The following SELENOO variants were observed in gnomAD, a reference collection of about 807,000 sequenced individuals.
SELENOO encodes selenoprotein O.
In SELENOO, 74 loss-of-function variants were observed where a neutral mutation model predicts 58.7. That is an observed-to-expected ratio of 1.26 (90% CI 1.04 to 1.53). SELENOO has a LOEUF of 1.53. Among genes scored for constraint, SELENOO ranks in the 40% most tolerant of loss-of-function variants. The probability of loss-of-function intolerance (pLI) is 0.00; values close to 1 mark genes in which losing one functional copy is unlikely to be tolerated. For missense variants in SELENOO, 1,149 were observed against 970.0 expected (o/e 1.18, Z -2.45); for synonymous variants, 543 against 453.2 (o/e 1.20, Z -2.52).
rs750517347 is a variant in SELENOO at position 50,217,245 on chromosome 22, G to A, written c.1886G>A (p.Cys629Tyr). ...AAACTACTGGAGACCCCTTACCACTGCGAGGCGGGGGCCGCCACAGACGCC... is the reference window on the plus strand; with the variant it reads ...AAACTACTGGAGACCCCTTACCACTACGAGGCGGGGGCCGCCACAGACGCC... ...VLKLLETPYH[C>Y]EAGAATDAEA... is the part of the protein sequence containing the mutation. The change falls in exon 9 of 9, where the codon TGC becomes TAC. Residue 629 changes from cysteine to tyrosine, a missense_variant. Coordinates refer to ENST00000380903, the MANE Select transcript of SELENOO (RefSeq NM_031454.2). The A allele has an allele frequency of 1.2e-6, 2 of 1,611,738 alleles. No homozygotes were observed. Among genetic ancestry groups the A allele is most frequent in the Admixed American group, 1.7e-5 (1 of 59,930 alleles).
intron 1 of SELENOO, among the ~76,000 whole-genome samples, chr22:50,202,053 G>T (rs1163191625): frequency 6.6e-6 from 1 of 152,188 alleles, no homozygotes; most frequent in Admixed American, 6.5e-5. Context: ...CACACAGGTG[G>T]TCTAATAAGG....
At chr22:50,212,746 T>A (rs2147164862) in intron 5 of SELENOO, among the ~76,000 whole-genome samples, 1 of 152,336 alleles carries the variant, frequency 6.6e-6, no homozygotes, top group African/African-American at 2.4e-5. Context: ...CTAATCTTCG[T>A]GTAAGTGGAG....
At chr22:50,206,795 A>C (rs1406418916) in intron 2 of SELENOO, among the ~76,000 whole-genome samples, 1 of 152,166 alleles carries the variant, frequency 6.6e-6, no homozygotes, top group Non-Finnish European at 1.5e-5. Flanking sequence ...CCCTCGTTGC[A>C]GCCAGAGATG....
chr22:50,211,987 G>C (rs2064374357), intron 5 of SELENOO, among the ~76,000 whole-genome samples: 1 of 152,222 alleles, frequency 6.6e-6, no homozygotes, highest in African/African-American at 2.4e-5. Context: ...ATAGGCGTGA[G>C]CCACCGCACC....
rs544348626 is a variant in SELENOO at position 50,201,042 on chromosome 22, C to T, written c.6C>T (p.Ala2=). M[A]VYRAALGASL... Reference sequence around the variant, plus strand: ...CGGCGGGAGCGGGGCCGCGGATGGCCGTATACAGGGCAGCGCTCGGGGCTT... The same window carrying T: ...CGGCGGGAGCGGGGCCGCGGATGGCTGTATACAGGGCAGCGCTCGGGGCTT... Residue 2 remains alanine (A), a synonymous_variant, in exon 1 of 9, where the codon GCC becomes GCT. Coordinates refer to ENST00000380903, the MANE Select transcript of SELENOO (RefSeq NM_031454.2). 35 of 1,307,754 alleles carry T rather than the reference C, an allele frequency of 2.7e-5. No homozygotes were observed. The highest frequency in any genetic ancestry group is 2.7e-4 in the South Asian group (12 of 45,228). The allele number at this position is 1,307,754 out of a possible 1,614,324, so 81.0% of individuals were successfully genotyped here. A position where few individuals can be genotyped will look rare whatever the true frequency, so the allele number is the denominator to read the frequency against.
intron 1 of SELENOO, among the ~76,000 whole-genome samples, chr22:50,205,167 C>T (rs1316660356): frequency 6.6e-6 from 1 of 152,182 alleles, no homozygotes; most frequent in African/African-American, 2.4e-5. Flanking sequence ...GTAGAGGAAT[C>T]GGGAGCCAGT....
In SELENOO at chr22:50,201,042, C is replaced by A. The variant is rs544348626; in HGVS notation, c.6C>A (p.Ala2=). 5.4e-6 allele frequency: 7 copies of A among 1,307,756 alleles called. No individual in the cohort carries two copies. The East Asian group carries it at 1.9e-4, about 35-fold the overall frequency. 81.0% of individuals were successfully genotyped at this position (1,307,756 alleles called of 1,614,324 possible). Residue 2 remains alanine (A), a synonymous_variant, in exon 1 of 9, where the codon GCC becomes GCA. Coordinates refer to ENST00000380903, the MANE Select transcript of SELENOO (RefSeq NM_031454.2). ...CGGCGGGAGCGGGGCCGCGGATGGCCGTATACAGGGCAGCGCTCGGGGCTT... is the reference window on the plus strand; with the variant it reads ...CGGCGGGAGCGGGGCCGCGGATGGCAGTATACAGGGCAGCGCTCGGGGCTT... M[A]VYRAALGASL...
At chr22:50,212,267 C>A (rs902553812) in intron 5 of SELENOO, among the ~76,000 whole-genome samples, 1 of 152,128 alleles carries the variant, frequency 6.6e-6, no homozygotes, top group African/African-American at 2.4e-5. Context: ...TGGTCCTGGG[C>A]TTTTCTTTGT....
intron 3 of SELENOO, among the ~76,000 whole-genome samples, chr22:50,209,010 A>G (rs890493555): frequency 1.3e-5 from 2 of 152,120 alleles, no homozygotes; most frequent in African/African-American, 4.8e-5. Context: ...GGGTGGAAGG[A>G]CCATGGGCTG....
At chr22:50,215,451 G>A (rs556008333) in intron 5 of SELENOO, among the ~76,000 whole-genome samples, 59 of 149,890 alleles carry the variant, frequency 3.9e-4, no homozygotes, top group African/African-American at 1.3e-3. Flanking sequence ...GGGTCCGTGT[G>A]GGTCTCTGTG....
At position 50,217,378 on chromosome 22, in the gene SELENOO, G is replaced by C. The variant is rs374314032; in HGVS notation, c.*9G>C. 6.8e-6 allele frequency: 11 copies of C among 1,612,168 alleles called. 1 individual carries two copies. In the African/African-American group the frequency reaches 1.5e-4, roughly 22 times the overall value. ...TGACATGATCTTCGTAACGGCCTCG[G>C]CACGCTCCACACCCCTGGAGTCTCC... On this transcript the variant is annotated 3_prime_UTR_variant, in exon 9 of 9. Coordinates refer to ENST00000380903, the MANE Select transcript of SELENOO (RefSeq NM_031454.2).
chr22:50,214,861 C>T (rs931308391), intron 5 of SELENOO, among the ~76,000 whole-genome samples: 1 of 152,226 alleles, frequency 6.6e-6, no homozygotes, highest in African/African-American at 2.4e-5. Context: ...CACTTCCAGC[C>T]TGTTCGTGTC....
chr22:50,213,134 C>T (rs2064383170), intron 5 of SELENOO, among the ~76,000 whole-genome samples: 1 of 152,122 alleles, frequency 6.6e-6, no homozygotes, highest in Admixed American at 6.5e-5. Flanking sequence ...GATCTTGGCT[C>T]ACTGCAACCT....
chr22:50,201,451 T>A lies in SELENOO; in HGVS notation c.415T>A (p.Cys139Ser). 1 of 1,413,274 alleles carries A rather than the reference T, an allele frequency of 7.1e-7. No homozygotes were observed. 87.5% of individuals were successfully genotyped at this position (1,413,274 alleles called of 1,614,324 possible). ...GCCGGGCGCCGAGCCCGCCGCGCACTGCTACTGCGGCCACCAATTCGGCCA... is the reference window on the plus strand; with the variant it reads ...GCCGGGCGCCGAGCCCGCCGCGCACAGCTACTGCGGCCACCAATTCGGCCA... ...LLPGAEPAAH[C>S]YCGHQFGQFA... Residue 139 changes from cysteine to serine, a missense_variant, in exon 1 of 9, where the codon TGC becomes AGC. Coordinates refer to ENST00000380903, the MANE Select transcript of SELENOO (RefSeq NM_031454.2).
rs1432961401 is a variant in SELENOO, at chr22:50,210,639, C to G, written c.1079C>G (p.Pro360Arg). 6.2e-7 allele frequency: 1 copy of G among 1,612,748 alleles called. No homozygotes were observed. The highest frequency in any genetic ancestry group is 8.5e-7 in the Non-Finnish European group (1 of 1,179,842). The change falls in exon 5 of 9, where the codon CCC (proline) becomes CGC (arginine). Residue 360 changes from proline (P) to arginine (R), a missense_variant. Coordinates refer to ENST00000380903, the MANE Select transcript of SELENOO (RefSeq NM_031454.2). ...CTTGCCCCGTGTGGCAGGTACGACC[C>G]CGACCACGTGTGCAATGCCTCCGAC... is the stretch of plus-strand genomic sequence containing the variant. ...GPFGFLDRYD[P>R]DHVCNASDNT...
chr22:50,216,184 A>G (rs2064409231), intron 6 of SELENOO, among the ~76,000 whole-genome samples: 1 of 152,206 alleles, frequency 6.6e-6, no homozygotes, highest in African/African-American at 2.4e-5. Context: ...ACCATCTTCC[A>G]AAGGGAAGGG....
At chr22:50,203,702 C>T (rs370908842) in intron 1 of SELENOO, among the ~76,000 whole-genome samples, 6 of 152,258 alleles carry the variant, frequency 3.9e-5, no homozygotes, top group African/African-American at 1.4e-4. Context: ...ACACCATGAA[C>T]GAAGTTAAGA....
intron 3 of SELENOO, chr22:50,209,070 G>A (rs989267800): frequency 3.8e-5 from 8 of 207,806 alleles, no homozygotes; most frequent in African/African-American, 9.3e-5. Flanking sequence ...GCAGCCAGCC[G>A]GGTCCTGACT....
chr22:50,212,834 C>G (rs2064380408), intron 5 of SELENOO, among the ~76,000 whole-genome samples: 1 of 151,696 alleles, frequency 6.6e-6, no homozygotes, highest in Admixed American at 6.6e-5. Flanking sequence ...CAGCGTGTGC[C>G]TGTTTCTTCA....
Sources: allele counts gnomAD v4.1 joint callset (sites outside exome capture counted in the v4.1 genomes callset), GRCh38; gene constraint gnomAD v4.1.1; transcripts MANE v1.5; gene names NCBI Gene and HGNC (gene_info 2026-07-23, HGNC 2026-07-21).